TMEM163: variants seen among roughly 807,000 people sequenced by gnomAD.
TMEM163 encodes the protein transmembrane protein 163.
TMEM163 carries 17 observed loss-of-function variants against 29.3 expected under a neutral mutation model. The ratio of observed to expected loss-of-function variants is 0.58; its 90% confidence interval spans 0.40 to 0.87. TMEM163 has a LOEUF of 0.87. Among genes scored for constraint, TMEM163 ranks in the 40% least tolerant of loss-of-function variants. The probability of loss-of-function intolerance (pLI) is 0.00; values close to 1 mark genes in which losing one functional copy is unlikely to be tolerated. For missense variants in TMEM163, 303 were observed against 381.5 expected (o/e 0.79, Z 1.71); for synonymous variants, 157 against 160.6 (o/e 0.98, Z 0.17).
At chr2:134,562,379 A>G (rs772576794) in intron 2 of TMEM163, among the ~76,000 whole-genome samples, 3 of 152,224 alleles carry the variant, frequency 2.0e-5, no homozygotes, top group Non-Finnish European at 4.4e-5. Context: ...CTAACCCCCA[A>G]TTATAATTTC....
chr2:134,695,356 C>T (rs963777292), intron 2 of TMEM163, among the ~76,000 whole-genome samples: 2 of 151,798 alleles, frequency 1.3e-5, no homozygotes, highest in African/African-American at 4.8e-5. Flanking sequence ...GGATTACAGG[C>T]GTGAGCCACC....
At chr2:134,505,097 G>A (rs754908829) in intron 4 of TMEM163, among the ~76,000 whole-genome samples, 12 of 152,154 alleles carry the variant, frequency 7.9e-5, no homozygotes, top group South Asian at 2.1e-4. Flanking sequence ...GGTAAGTTTC[G>A]CAATGTGGTC....
At position 134,536,585 on chromosome 2, in the gene TMEM163, T is replaced by C. The variant is rs1464939412; in HGVS notation, c.458+13985A>G. 8.5e-5 allele frequency among the ~76,000 whole-genome samples: 13 copies of C among 152,162 alleles called. 1 individual carries two copies. Among genetic ancestry groups the C allele is most frequent in the Non-Finnish European group, 1.5e-5 (1 of 68,022 alleles). ...ATGGCTCTGGGCTTCTGTCCACCAC[T>C]GAGAGCCTCTAAACCTCCATCTGCC... is the stretch of plus-strand genomic sequence containing the variant. On this transcript the variant is annotated intron_variant, in intron 4 of 7. Transcript: ENST00000281924.
intron 5 of TMEM163, among the ~76,000 whole-genome samples, chr2:134,471,146 TG>T (rs2106476214): frequency 6.6e-6 from 1 of 152,340 alleles, no homozygotes; most frequent in East Asian, 1.9e-4. Context: ...CACTCCAGCC[TG>T]GGCAATAGAG....
intron 4 of TMEM163, among the ~76,000 whole-genome samples, chr2:134,535,455 G>A (rs1039521421): frequency 6.6e-6 from 1 of 152,180 alleles, no homozygotes; most frequent in African/African-American, 2.4e-5. Context: ...TAAGCCTGGA[G>A]CAATCTTCCT....
intron 1 of TMEM163, among the ~76,000 whole-genome samples, chr2:134,714,096 C>T (rs139717818): frequency 1.4e-3 from 220 of 152,286 alleles, no homozygotes; most frequent in African/African-American, 4.8e-3. Context: ...TTGACAACAA[C>T]AGAAATTCAT....
At chr2:134,641,554 G>A (rs907217431) in intron 2 of TMEM163, among the ~76,000 whole-genome samples, 4 of 152,058 alleles carry the variant, frequency 2.6e-5, no homozygotes, top group Non-Finnish European at 5.9e-5. Context: ...GAGAAAATAT[G>A]TGCAATACAT....
intron 2 of TMEM163, among the ~76,000 whole-genome samples, chr2:134,616,381 C>T (rs1221403508): frequency 6.6e-6 from 1 of 152,186 alleles, no homozygotes; most frequent in Non-Finnish European, 1.5e-5. Flanking sequence ...GATCTTTAGG[C>T]ATCCACTTTT....
intron 4 of TMEM163, among the ~76,000 whole-genome samples, chr2:134,536,630 C>T (rs983201458): frequency 5.3e-5 from 8 of 152,062 alleles, no homozygotes; most frequent in Non-Finnish European, 7.4e-5. Context: ...ACTGGAAGAG[C>T]GAAACCTCTA....
chr2:134,478,801 G>T (rs1019817854), intron 5 of TMEM163, among the ~76,000 whole-genome samples: 1 of 152,142 alleles, frequency 6.6e-6, no homozygotes. Context: ...CAAGAAAATG[G>T]GGAAAAAGGC....
intron 4 of TMEM163, among the ~76,000 whole-genome samples, chr2:134,527,934 AACT>A (rs1196317011): frequency 5.9e-5 from 9 of 152,232 alleles, no homozygotes; most frequent in African/African-American, 1.9e-4. Flanking sequence ...TTCTCAGGTT[AACT>A]ACAACCCAAG....
intron 5 of TMEM163, among the ~76,000 whole-genome samples, chr2:134,496,983 C>T (rs112185376): frequency 0.033 from 4,956 of 152,206 alleles, 284 homozygotes; most frequent in African/African-American, 0.11. Flanking sequence ...TCCCACTCAT[C>T]GCCTGCCTTG....
At chr2:134,699,147 T>G (rs1357750723) in intron 2 of TMEM163, among the ~76,000 whole-genome samples, 3 of 152,238 alleles carry the variant, frequency 2.0e-5, no homozygotes, top group Non-Finnish European at 2.9e-5. Context: ...TAGCGCACAG[T>G]TCAATAGCAG....
At chr2:134,503,471 C>T (rs920532973) in intron 4 of TMEM163, among the ~76,000 whole-genome samples, 3 of 152,278 alleles carry the variant, frequency 2.0e-5, no homozygotes, top group Non-Finnish European at 4.4e-5. Flanking sequence ...GGAATATATT[C>T]CCTACCTAAA....
intron 2 of TMEM163, among the ~76,000 whole-genome samples, chr2:134,665,164 C>G (rs1683846704): frequency 6.6e-6 from 1 of 152,156 alleles, no homozygotes; most frequent in South Asian, 2.1e-4. Flanking sequence ...TGCAAGACAT[C>G]TGTATTAGTC....
chr2:134,570,199 G>A (rs149268545), intron 2 of TMEM163, among the ~76,000 whole-genome samples: 5 of 152,218 alleles, frequency 3.3e-5, no homozygotes, highest in South Asian at 2.1e-4. Context: ...TAAGATCTAC[G>A]GTAAGAATGA....
intron 2 of TMEM163, among the ~76,000 whole-genome samples, chr2:134,698,444 T>C (rs1387042204): frequency 6.6e-6 from 1 of 152,202 alleles, no homozygotes; most frequent in Non-Finnish European, 1.5e-5. Context: ...CTAATTACCT[T>C]TCACTCATTT....
At chr2:134,670,989 T>C (rs987176786) in intron 2 of TMEM163, among the ~76,000 whole-genome samples, 1 of 152,168 alleles carries the variant, frequency 6.6e-6, no homozygotes, top group Non-Finnish European at 1.5e-5. Context: ...AGGAACTCAA[T>C]CCCTGCCCTG....
chr2:134,540,835 T>C (rs1311487137), intron 4 of TMEM163, among the ~76,000 whole-genome samples: 1 of 152,168 alleles, frequency 6.6e-6, no homozygotes, highest in Non-Finnish European at 1.5e-5. Flanking sequence ...AAACCTTACA[T>C]AAAATGAAGA....
Sources: gnomAD v4.1 joint callset for allele counts (sites outside exome capture counted in the v4.1 genomes callset) on GRCh38, gnomAD v4.1.1 for gene constraint, MANE v1.5 for transcripts, NCBI Gene and HGNC (gene_info 2026-07-23, HGNC 2026-07-21) for gene names.